Variants in NTRK3 observed in about 807,000 individuals in gnomAD.
NTRK3 encodes NT-3 growth factor receptor.
Under a neutral mutation model 91.7 loss-of-function variants are expected in NTRK3, and 24 were observed. The ratio of observed to expected loss-of-function variants is 0.26; its 90% CI spans 0.19 to 0.37. The LOEUF (loss-of-function observed/expected upper bound fraction) is 0.37, where lower values mean the gene tolerates loss of function less well. NTRK3 is among the 10% of genes least tolerant of loss of function. The probability of loss-of-function intolerance (pLI) is 1.00; values close to 1 mark genes in which losing one functional copy is unlikely to be tolerated. For missense variants in NTRK3, 880 were observed against 1,068.9 expected (o/e 0.82, Z 2.46); for synonymous variants, 483 against 404.0 (o/e 1.20, Z -2.34).
At chr15:88,063,269 G>A (rs985929774) in intron 13 of NTRK3, among the ~76,000 whole-genome samples, 10 of 152,206 alleles carry the variant, frequency 6.6e-5, no homozygotes, top group Non-Finnish European at 1.2e-4. Flanking sequence ...AGCCCTGCCC[G>A]ACATCATTTC....
intron 5 of NTRK3, among the ~76,000 whole-genome samples, chr15:88,159,943 T>TACACACAC (rs59254719): frequency 0.08 from 8,958 of 111,880 alleles, 745 homozygotes; most frequent in Middle Eastern, 0.098. Context: ...CCCAGCCTCC[T>TACACACAC]ACACACACAC....
chr15:88,180,371 T>TACA (rs2046348006), intron 5 of NTRK3, among the ~76,000 whole-genome samples: 1 of 152,188 alleles, frequency 6.6e-6, no homozygotes, highest in South Asian at 2.1e-4. Flanking sequence ...TTCCGCAATC[T>TACA]ACAAAAGGTA....
At chr15:87,887,196 T>C (rs1020614609) in intron 17 of NTRK3, among the ~76,000 whole-genome samples, 12 of 152,244 alleles carry the variant, frequency 7.9e-5, no homozygotes, top group East Asian at 7.7e-4. Context: ...AGGATATTAA[T>C]TGGTCATGGA....
intron 3 of NTRK3, among the ~76,000 whole-genome samples, chr15:88,198,276 C>G (rs770119407): frequency 8.5e-5 from 13 of 152,092 alleles, no homozygotes; most frequent in Non-Finnish European, 1.8e-4. Context: ...GCTTCCTCCT[C>G]CTCTCATAAC....
chr15:88,173,764 C>A (rs935514478), intron 5 of NTRK3, among the ~76,000 whole-genome samples: 1 of 152,222 alleles, frequency 6.6e-6, no homozygotes, highest in African/African-American at 2.4e-5. Context: ...TGAAAACAGC[C>A]AAGGCTGACC....
chr15:87,902,085 T>C (rs1214699486), intron 17 of NTRK3, among the ~76,000 whole-genome samples: 2 of 152,204 alleles, frequency 1.3e-5, no homozygotes, highest in Non-Finnish European at 2.9e-5. Context: ...CATTCAGAAA[T>C]ATCTAAATCA....
chr15:88,128,802 C>T, intron 10 of NTRK3, 68 bp from the exon 11 acceptor site: 1 of 1,381,214 alleles, frequency 7.2e-7, no homozygotes, highest in Admixed American at 1.7e-5. Context: ...ACTACTTGGT[C>T]CTAATAGCTA....
intron 3 of NTRK3, among the ~76,000 whole-genome samples, chr15:88,248,162 G>T (rs2053019091): frequency 6.6e-6 from 1 of 152,186 alleles, no homozygotes; most frequent in African/African-American, 2.4e-5. Context: ...GCCAGCCTCA[G>T]CTGGCACCTG....
At position 88,105,624 on chromosome 15, in the gene NTRK3, C is replaced by A. The variant is rs964566419; in HGVS notation, c.1396+20647G>T. Among the ~76,000 whole-genome samples the A allele has an allele frequency of 2.0e-5, 3 of 152,108 alleles. No individual in the cohort carries two copies. In the East Asian group the frequency reaches 5.8e-4, roughly 29 times the overall value. ...CTATATCTTTTCCTTGTGCTTCACA[C>A]AGACATTAAATAAAAACAACTCCAT... On this transcript the variant is annotated intron_variant, in intron 13 of 18. Coordinates refer to ENST00000394480, the Ensembl canonical transcript of NTRK3.
chr15:88,081,719 T>A (rs968834644), intron 13 of NTRK3, among the ~76,000 whole-genome samples: 4 of 152,170 alleles, frequency 2.6e-5, no homozygotes, highest in African/African-American at 7.2e-5. Flanking sequence ...TCTCCATAAA[T>A]GGGGCTGAAG....
At chr15:87,974,974 G>T (rs2073598910) in intron 14 of NTRK3, among the ~76,000 whole-genome samples, 1 of 152,124 alleles carries the variant, frequency 6.6e-6, no homozygotes, top group Non-Finnish European at 1.5e-5. Flanking sequence ...GTGGCCAAAA[G>T]CATTTTGAGG....
At chr15:87,876,967 C>T (rs1394182121) in exon 19 of NTRK3, 2 of 1,613,836 alleles carry the variant, frequency 1.2e-6, no homozygotes, top group Admixed American at 1.7e-5. Flanking sequence ...ATTGGGGTGG[C>T]CTTCCCCAAA....
intron 13 of NTRK3, among the ~76,000 whole-genome samples, chr15:88,109,528 C>A (rs980792326): frequency 2.0e-5 from 3 of 152,124 alleles, no homozygotes; most frequent in Non-Finnish European, 2.9e-5. Flanking sequence ...GTGCCAGAGA[C>A]GTCGTGGGAG....
rs1300286791 is a variant in NTRK3 at position 88,234,753 on chromosome 15, C to T, written c.248+21153G>A. On this transcript the variant is annotated intron_variant, in intron 3 of 18. Transcript: ENST00000394480. The surrounding 1 kb of genome is among the most constrained non-coding windows in gnomAD (Gnocchi z 6.1). ...AATCATCTCTTGTTTAAAAGGAAAA[C>T]CCTCTGGGACTTCCTATTTTGCTAG... Among the ~76,000 whole-genome samples the T allele has an allele frequency of 6.6e-6, 1 of 152,204 alleles. No homozygotes were observed. Among genetic ancestry groups the T allele is most frequent in the African/African-American group, 2.4e-5 (1 of 41,448 alleles).
intron 16 of NTRK3, chr15:87,931,082 GCTT>G: frequency 2.8e-6 from 1 of 361,458 alleles, no homozygotes; most frequent in Non-Finnish European, 5.4e-6. Context: ...CTTACTTTCT[GCTT>G]CTTCCACTCC....
intron 13 of NTRK3, among the ~76,000 whole-genome samples, chr15:88,044,718 A>C (rs2080012704): frequency 6.6e-6 from 1 of 152,178 alleles, no homozygotes; most frequent in African/African-American, 2.4e-5. Context: ...AAACCATGAA[A>C]GTCCAATGTC....
intron 14 of NTRK3, among the ~76,000 whole-genome samples, chr15:88,022,720 G>C (rs986034963): frequency 1.3e-5 from 2 of 152,158 alleles, no homozygotes; most frequent in Admixed American, 6.5e-5. Context: ...ACTCCAAGCT[G>C]GCTGGGGGTC....
intron 17 of NTRK3, among the ~76,000 whole-genome samples, chr15:87,884,131 T>C (rs989538219): frequency 7.2e-6 from 1 of 137,950 alleles, no homozygotes; most frequent in African/African-American, 2.7e-5. Flanking sequence ...AAAATCAGAA[T>C]TGATCTACAC....
chr15:88,173,180 C>A (rs1052690523), intron 5 of NTRK3, among the ~76,000 whole-genome samples: 7 of 152,086 alleles, frequency 4.6e-5, no homozygotes, highest in Admixed American at 3.3e-4. Flanking sequence ...GGAAAGAATG[C>A]GGGGACCCAG....
Sources: allele counts gnomAD v4.1 joint callset (sites outside exome capture counted in the v4.1 genomes callset), GRCh38; gene constraint gnomAD v4.1.1; non-coding constraint Gnocchi (gnomAD v3.1); transcripts MANE v1.5; gene names NCBI Gene and HGNC (gene_info 2026-07-23, HGNC 2026-07-21).